FRMPD1: variants seen among roughly 807,000 people sequenced by gnomAD.
FRMPD1 encodes the protein FERM and PDZ domain containing 1.
A neutral mutation model predicts 117.8 loss-of-function variants in FRMPD1; 76 were observed. That is an observed-to-expected ratio of 0.65 (90% CI 0.54 to 0.78). The LOEUF is 0.78. FRMPD1 is among the 30% of genes least tolerant of loss of function. FRMPD1 has a pLI of 0.00. For synonymous variants in FRMPD1, 783 were observed against 770.4 expected, an observed-to-expected ratio of 1.02 and a Z score of -0.27; for missense variants, 1,786 against 1,964.5, an observed-to-expected ratio of 0.91 and a Z score of 1.72.
the FRMPD1 span, among the ~76,000 whole-genome samples, chr9:37,621,992 T>C: frequency 1.3e-5 from 2 of 152,244 alleles, no homozygotes; most frequent in African/African-American, 4.8e-5. Context: ...TGAGAATGCC[T>C]TCATACTCAG....
intron 1 of FRMPD1, among the ~76,000 whole-genome samples, chr9:37,651,439 A>G (rs916833218): frequency 2.0e-5 from 3 of 152,140 alleles, no homozygotes; most frequent in Admixed American, 6.5e-5. Context: ...CCTCAGACCA[A>G]CCCTCTCTGT....
chr9:37,626,863 C>T, the FRMPD1 span, among the ~76,000 whole-genome samples: 5 of 151,916 alleles, frequency 3.3e-5, no homozygotes, highest in Non-Finnish European at 4.4e-5. Context: ...GGGTGTGGGG[C>T]CATGAAATAT....
At chr9:37,609,711 C>T in the FRMPD1 span, among the ~76,000 whole-genome samples, 8 of 151,932 alleles carry the variant, frequency 5.3e-5, no homozygotes, top group East Asian at 1.4e-3. Flanking sequence ...TCAGCGGCTT[C>T]CCATCTGACT....
At chr9:37,702,526 G>T (rs1822570986) in intron 2 of FRMPD1, among the ~76,000 whole-genome samples, 1 of 152,242 alleles carries the variant, frequency 6.6e-6, no homozygotes, top group African/African-American at 2.4e-5. Flanking sequence ...CTTTGAGCTG[G>T]ACTTTGACTT....
intron 10 of FRMPD1, 93 bp from the exon 11 acceptor site, chr9:37,733,380 A>C: frequency 8.1e-7 from 1 of 1,227,364 alleles, no homozygotes; most frequent in Non-Finnish European, 1.2e-6. Flanking sequence ...TATTATGGGA[A>C]CACTAAGTAC....
At chr9:37,610,240 C>T in the FRMPD1 span, among the ~76,000 whole-genome samples, 1 of 152,254 alleles carries the variant, frequency 6.6e-6, no homozygotes, top group Admixed American at 6.5e-5. Flanking sequence ...TGCAAGCATA[C>T]AGTGTATAAT....
intron 1 of FRMPD1, among the ~76,000 whole-genome samples, chr9:37,675,791 G>A (rs1292908590): frequency 7.2e-5 from 11 of 152,170 alleles, no homozygotes; most frequent in Non-Finnish European, 2.9e-5. Flanking sequence ...TGGAAATGGA[G>A]GTATTAGAAG....
At chr9:37,743,318 G>A (rs1563964398) in intron 15 of FRMPD1, among the ~76,000 whole-genome samples, 1 of 152,132 alleles carries the variant, frequency 6.6e-6, no homozygotes, top group Non-Finnish European at 1.5e-5. Flanking sequence ...CTGCACGGCA[G>A]CACTGAATGG....
intron 1 of FRMPD1, among the ~76,000 whole-genome samples, chr9:37,662,866 T>C (rs1821042424): frequency 1.3e-5 from 2 of 152,200 alleles, no homozygotes; most frequent in Admixed American, 1.3e-4. Context: ...CAAGTACTGT[T>C]TGTGTGCCTG....
chr9:37,681,538 G>A (rs1821730746), intron 1 of FRMPD1, among the ~76,000 whole-genome samples: 1 of 152,226 alleles, frequency 6.6e-6, no homozygotes. Context: ...AGATGTGTGA[G>A]CCCATTATCA....
chr9:37,643,469 A>T, the FRMPD1 span, among the ~76,000 whole-genome samples: 1 of 152,220 alleles, frequency 6.6e-6, no homozygotes, highest in African/African-American at 2.4e-5. Flanking sequence ...AGTGGTGTTC[A>T]TTACATTTTT....
At chr9:37,710,231 G>A (rs1822856539) in intron 4 of FRMPD1, among the ~76,000 whole-genome samples, 1 of 152,184 alleles carries the variant, frequency 6.6e-6, no homozygotes, top group African/African-American at 2.4e-5. Context: ...GAAGTCCCTA[G>A]ACACTTAGAC....
intron 9 of FRMPD1, among the ~76,000 whole-genome samples, chr9:37,731,972 ACAGAAATGGTGG>A (rs1383894794): frequency 6.6e-6 from 1 of 152,232 alleles, no homozygotes; most frequent in African/African-American, 2.4e-5. Flanking sequence ...CCCAAGTCTT[ACAGAAATGGTGG>A]CAGAAAATAA....
At chr9:37,625,856 T>G in the FRMPD1 span, among the ~76,000 whole-genome samples, 1 of 152,238 alleles carries the variant, frequency 6.6e-6, no homozygotes, top group African/African-American at 2.4e-5. Flanking sequence ...CCAAGCTGGG[T>G]TGCTGTCTGC....
intron 14 of FRMPD1, among the ~76,000 whole-genome samples, chr9:37,737,922 A>G (rs1824209489): frequency 6.6e-6 from 1 of 151,792 alleles, no homozygotes; most frequent in African/African-American, 2.4e-5. Context: ...TCTCTTCCTT[A>G]CCTATGCACT....
chr9:37,666,737 C>G (rs1231453220), intron 1 of FRMPD1, among the ~76,000 whole-genome samples: 22 of 152,192 alleles, frequency 1.4e-4, no homozygotes. Context: ...TTTATGTGCA[C>G]TCCTTGATGA....
chr9:37,657,800 G>A (rs961179242), intron 1 of FRMPD1, among the ~76,000 whole-genome samples: 2 of 152,044 alleles, frequency 1.3e-5, no homozygotes, highest in African/African-American at 4.8e-5. Context: ...CCTCAAACAA[G>A]ACTGCCAGCT....
rs545994384 is a variant in FRMPD1 at position 37,728,281 on chromosome 9, A to G, written c.613-1447A>G. Among the ~76,000 whole-genome samples, 7 of 152,328 alleles carry G rather than the reference A, an allele frequency of 4.6e-5. No homozygotes were observed. In the East Asian group the frequency reaches 7.7e-4, roughly 17 times the overall value. The stretch of plus-strand genomic sequence containing the variant: ...TAGAACCCATTCCCTTAACTTTACC[A>G]TGGCTGTTAATTGAAGAAAATAATA... On this transcript the variant is annotated intron_variant, in intron 7 of 15. Coordinates refer to ENST00000377765, the MANE Select transcript of FRMPD1 (RefSeq NM_014907.3).
chr9:37,721,155 G>T (rs753696755), intron 6 of FRMPD1, among the ~76,000 whole-genome samples: 1 of 152,132 alleles, frequency 6.6e-6, no homozygotes, highest in Non-Finnish European at 1.5e-5. Flanking sequence ...AAAGGAACAG[G>T]GTTCTAAAAA....
Sources: allele counts gnomAD v4.1 joint callset (sites outside exome capture counted in the v4.1 genomes callset), GRCh38; gene constraint gnomAD v4.1.1; transcripts MANE v1.5; gene names NCBI Gene and HGNC (gene_info 2026-07-23, HGNC 2026-07-21).